The following EPHA5 variants were observed in gnomAD, a reference collection of about 807,000 sequenced individuals.
EPHA5 encodes the protein ephrin type-A receptor 5.
EPHA5 carries 60 observed loss-of-function variants against 105.0 expected under a neutral mutation model. That is an observed-to-expected ratio of 0.57 (90% confidence interval 0.46 to 0.71). The LOEUF (loss-of-function observed/expected upper bound fraction) is 0.71. Among genes scored for constraint, EPHA5 ranks in the 30% least tolerant of loss-of-function variants. The probability of loss-of-function intolerance (pLI) is 0.00; values close to 1 mark genes in which losing one functional copy is unlikely to be tolerated. For synonymous variants in EPHA5, 513 were observed against 449.1 expected (o/e 1.14, Z -1.80); for missense variants, 1,218 against 1,274.7 (o/e 0.96, Z 0.68).
chr4:65,607,030 C>T (rs1187606094), intron 2 of EPHA5, among the ~76,000 whole-genome samples: 1 of 152,090 alleles, frequency 6.6e-6, no homozygotes, highest in Non-Finnish European at 1.5e-5. Flanking sequence ...CTCAAAACTA[C>T]ATAAAATATA....
intron 11 of EPHA5, among the ~76,000 whole-genome samples, chr4:65,360,715 C>T (rs181679843): frequency 1.3e-5 from 2 of 151,204 alleles, no homozygotes; most frequent in African/African-American, 4.8e-5. Flanking sequence ...TCTTAAAAGC[C>T]CATGGTTTTA....
intron 8 of EPHA5, among the ~76,000 whole-genome samples, chr4:65,394,294 G>C (rs947432955): frequency 1.3e-5 from 2 of 152,086 alleles, no homozygotes; most frequent in African/African-American, 4.8e-5. Flanking sequence ...AAAATCAGAG[G>C]CTTCCCACAC....
intron 8 of EPHA5, among the ~76,000 whole-genome samples, chr4:65,376,583 G>A (rs535619680): frequency 3.9e-5 from 6 of 152,112 alleles, no homozygotes; most frequent in African/African-American, 1.4e-4. Flanking sequence ...GACAATAGAA[G>A]ATCCAAGTTA....
intron 5 of EPHA5, among the ~76,000 whole-genome samples, chr4:65,452,616 TG>T (rs1727177464): frequency 6.6e-6 from 1 of 151,660 alleles, no homozygotes; most frequent in Admixed American, 6.6e-5. Flanking sequence ...CTATGGCTGT[TG>T]GAATGCATAA....
intron 8 of EPHA5, among the ~76,000 whole-genome samples, chr4:65,377,584 C>A (rs1719135912): frequency 6.6e-6 from 1 of 151,902 alleles, no homozygotes; most frequent in African/African-American, 2.4e-5. Context: ...CTCCCCAGAT[C>A]ATTTATTGAA....
chr4:65,503,944 C>T lies in EPHA5; in HGVS notation c.911-8401G>A, dbSNP rs867185031. ...ACACACACACACACACACACACACA[C>T]ATATATTTAACCAAATTGTGGACCA... On this transcript the variant is annotated intron_variant, in intron 3 of 16. Coordinates refer to ENST00000613740, the MANE Select transcript of EPHA5 (RefSeq NM_001281766.3). 1.7e-3 allele frequency among the ~76,000 whole-genome samples: 236 copies of T among 141,258 alleles called. 1 individual carries two copies. Among genetic ancestry groups the T allele is most frequent in the African/African-American group, 5.6e-3 (214 of 38,084 alleles). 92.7% of individuals were successfully genotyped at this position (141,258 alleles called of 152,430 possible). A position where few individuals can be genotyped will look rare whatever the true frequency, so the allele number is the denominator to read the frequency against.
intron 5 of EPHA5, among the ~76,000 whole-genome samples, chr4:65,427,477 C>T (rs969834743): frequency 3.3e-5 from 5 of 151,868 alleles, no homozygotes; most frequent in African/African-American, 9.7e-5. Context: ...CACCGCGCCC[C>T]GTCCTTGAGT....
intron 3 of EPHA5, among the ~76,000 whole-genome samples, chr4:65,511,284 T>TA (rs375862433): frequency 2.4e-3 from 363 of 152,308 alleles, no homozygotes; most frequent in African/African-American, 8.4e-3. Flanking sequence ...GTTATGTCTT[T>TA]AAAAAATTAT....
intron 8 of EPHA5, among the ~76,000 whole-genome samples, chr4:65,392,753 T>C (rs1720845163): frequency 6.6e-6 from 1 of 152,136 alleles, no homozygotes; most frequent in African/African-American, 2.4e-5. Context: ...TTTAGAGATA[T>C]TAAAGTTTTT....
intron 3 of EPHA5, among the ~76,000 whole-genome samples, chr4:65,544,876 A>G (rs1486901025): frequency 2.0e-5 from 3 of 151,898 alleles, no homozygotes; most frequent in African/African-American, 4.8e-5. Context: ...CATATACACC[A>G]TGGAATACTA....
At chr4:65,522,837 A>G (rs1419593588) in intron 3 of EPHA5, among the ~76,000 whole-genome samples, 1 of 151,954 alleles carries the variant, frequency 6.6e-6, no homozygotes, top group African/African-American at 2.4e-5. Flanking sequence ...AAATGGTTCA[A>G]TATCACTTAT....
chr4:65,597,433 T>C (rs1743294399), intron 3 of EPHA5, among the ~76,000 whole-genome samples: 1 of 142,004 alleles, frequency 7.0e-6, no homozygotes, highest in Non-Finnish European at 1.5e-5. Context: ...ACTTCTAAAA[T>C]GTGTTTTTGC....
chr4:65,598,617 A>G (rs1743406133), intron 3 of EPHA5, among the ~76,000 whole-genome samples: 1 of 152,164 alleles, frequency 6.6e-6, no homozygotes, highest in East Asian at 1.9e-4. Flanking sequence ...ATAGTTCTAA[A>G]TTGTTTTGTG....
At chr4:65,586,542 T>C (rs965023650) in intron 3 of EPHA5, among the ~76,000 whole-genome samples, 4 of 152,006 alleles carry the variant, frequency 2.6e-5, no homozygotes, top group Non-Finnish European at 4.4e-5. Flanking sequence ...CTTGTCTTTT[T>C]ACTATACATC....
intron 7 of EPHA5, among the ~76,000 whole-genome samples, chr4:65,406,740 T>G (rs1722397201): frequency 6.6e-6 from 1 of 152,150 alleles, no homozygotes; most frequent in Non-Finnish European, 1.5e-5. Flanking sequence ...ACAAACTGTT[T>G]AGCCCTTTGT....
At chr4:65,537,856 A>T (rs2149315204) in intron 3 of EPHA5, among the ~76,000 whole-genome samples, 1 of 151,872 alleles carries the variant, frequency 6.6e-6, no homozygotes, top group East Asian at 1.9e-4. Context: ...ACAATAATAC[A>T]CATTTAGACA....
intron 3 of EPHA5, among the ~76,000 whole-genome samples, chr4:65,533,794 T>C (rs1736045565): frequency 1.3e-5 from 2 of 151,890 alleles, no homozygotes; most frequent in South Asian, 4.2e-4. Flanking sequence ...ATTAGCTGGG[T>C]GTGGTAGTGA....
chr4:65,333,226 A>C (rs2148803281), intron 15 of EPHA5, among the ~76,000 whole-genome samples: 1 of 151,854 alleles, frequency 6.6e-6, no homozygotes, highest in Admixed American at 6.6e-5. Context: ...AATTTACTTA[A>C]GTAAATTGCA....
At chr4:65,422,081 A>G (rs1723999233) in intron 5 of EPHA5, among the ~76,000 whole-genome samples, 1 of 152,134 alleles carries the variant, frequency 6.6e-6, no homozygotes, top group Non-Finnish European at 1.5e-5. Context: ...AGCATAAACT[A>G]TTTCACTTTC....
Sources: allele counts gnomAD v4.1 joint callset (sites outside exome capture counted in the v4.1 genomes callset), GRCh38; gene constraint gnomAD v4.1.1; transcripts MANE v1.5; gene names NCBI Gene and HGNC (gene_info 2026-07-23, HGNC 2026-07-21).